The following RORB variants were observed in gnomAD, a reference collection of about 807,000 sequenced individuals.
The protein encoded by RORB is RAR related orphan receptor B.
Under a neutral mutation model 59.1 loss-of-function variants are expected in RORB, and 6 were observed. The ratio of observed to expected loss-of-function variants is 0.10; its 90% confidence interval spans 0.06 to 0.20. The LOEUF is 0.20. Ranked by LOEUF, RORB falls within the 10% of genes least tolerant of loss-of-function variation. RORB has a pLI of 1.00. For missense variants in RORB, 320 were observed against 560.5 expected, an observed-to-expected ratio of 0.57 and a Z score of 4.33; for synonymous variants, 215 against 204.5, an observed-to-expected ratio of 1.05 and a Z score of -0.44.
chr9:74,599,859 T>C (rs1051332369), intron 1 of RORB, among the ~76,000 whole-genome samples: 1 of 152,172 alleles, frequency 6.6e-6, no homozygotes, highest in African/African-American at 2.4e-5. Flanking sequence ...GGACGAACTT[T>C]AAACATTTCA....
At chr9:74,554,048 T>C (rs886380185) in intron 1 of RORB, among the ~76,000 whole-genome samples, 1 of 152,206 alleles carries the variant, frequency 6.6e-6, no homozygotes, top group Non-Finnish European at 1.5e-5. Flanking sequence ...CCCCACCTGC[T>C]GAATCAGACC....
chr9:74,509,403 T>A (rs1347974853), intron 1 of RORB, among the ~76,000 whole-genome samples: 1 of 152,006 alleles, frequency 6.6e-6, no homozygotes, highest in Admixed American at 6.6e-5. Flanking sequence ...TTTGAAAAAA[T>A]TGCATATTTA....
intron 1 of RORB, among the ~76,000 whole-genome samples, chr9:74,604,568 C>T (rs1823121202): frequency 6.6e-6 from 1 of 152,156 alleles, no homozygotes; most frequent in South Asian, 2.1e-4. Context: ...CGTTGGGATA[C>T]AGCTCTTAAT....
chr9:74,560,776 T>C (rs1258964840), intron 1 of RORB, among the ~76,000 whole-genome samples: 1 of 152,138 alleles, frequency 6.6e-6, no homozygotes, highest in East Asian at 1.9e-4. Context: ...TGTAGTTTCA[T>C]AATTACTTGC....
In RORB at chr9:74,689,949, T is replaced by C. The variant is rs1824712211; in HGVS notation, c.*4331T>C. The C allele has an allele frequency of 1.3e-5, 2 of 151,122 alleles. No homozygotes were observed. The highest frequency in any genetic ancestry group is 4.1e-4 in the South Asian group (2 of 4,826). The allele number at this position is 151,122 out of a possible 1,614,324, so 9.4% of individuals were successfully genotyped here. A position where few individuals can be genotyped will look rare whatever the true frequency, so the allele number is the denominator to read the frequency against. On this transcript the variant is annotated 3_prime_UTR_variant, in exon 10 of 10. Coordinates refer to ENST00000376896, the MANE Select transcript of RORB (RefSeq NM_006914.4). ...GAAATTAGAAGAAATAATTTCTTCC[T>C]GACTCTTTTTTTTTCTATAAACTTT...
intron 1 of RORB, among the ~76,000 whole-genome samples, chr9:74,500,975 T>C (rs563686400): frequency 6.6e-5 from 10 of 152,284 alleles, no homozygotes; most frequent in African/African-American, 2.4e-4. Context: ...AAGGAATAAC[T>C]TCTGAAGGCG....
At chr9:74,585,868 C>T (rs1370757881) in intron 1 of RORB, among the ~76,000 whole-genome samples, 2 of 151,620 alleles carry the variant, frequency 1.3e-5, no homozygotes, top group African/African-American at 4.8e-5. Context: ...GATCTCGGCT[C>T]ACTGCAAGCT....
At chr9:74,560,417 C>T (rs1332441712) in intron 1 of RORB, among the ~76,000 whole-genome samples, 1 of 152,146 alleles carries the variant, frequency 6.6e-6, no homozygotes, top group Middle Eastern at 3.2e-3. Context: ...TTAAAGAGCG[C>T]TGTATCTCCA....
intron 1 of RORB, among the ~76,000 whole-genome samples, chr9:74,563,157 C>T (rs993063139): frequency 4.6e-4 from 69 of 151,480 alleles, no homozygotes; most frequent in African/African-American, 1.5e-3. Flanking sequence ...GGATCATGCA[C>T]GCCTTCAGTT....
In RORB at chr9:74,677,608, G is replaced by A. The variant is rs551976604; in HGVS notation, c.1224+5707G>A. ...GATCTAGAATCTCTGAGGTTCAGAC[G>A]AGAGGGAGATTCACCTCCCCTGCCT... On this transcript the variant is annotated intron_variant, in intron 9 of 9. Transcript: ENST00000376896. 1.4e-3 allele frequency among the ~76,000 whole-genome samples: 211 copies of A among 152,194 alleles called. 1 individual carries two copies. Among genetic ancestry groups the A allele is most frequent in the Middle Eastern group, 3.4e-3 (1 of 294 alleles).
At chr9:74,635,981 G>C (rs1443132060) in intron 3 of RORB, among the ~76,000 whole-genome samples, 1 of 143,628 alleles carries the variant, frequency 7.0e-6, no homozygotes, top group Non-Finnish European at 1.5e-5. Context: ...AACAGAATCT[G>C]ACCTGAAACC....
At chr9:74,545,171 G>A (rs1826468441) in intron 1 of RORB, among the ~76,000 whole-genome samples, 2 of 151,042 alleles carry the variant, frequency 1.3e-5, no homozygotes. Flanking sequence ...TAGCTATCTA[G>A]TTAACTAGTG....
intron 4 of RORB, among the ~76,000 whole-genome samples, chr9:74,651,731 G>T (rs1823996597): frequency 6.6e-6 from 1 of 152,116 alleles, no homozygotes; most frequent in African/African-American, 2.4e-5. Flanking sequence ...GACCATGTTG[G>T]CTTCCTTGGT....
intron 3 of RORB, among the ~76,000 whole-genome samples, chr9:74,636,346 C>T (rs527852240): frequency 8.5e-5 from 13 of 152,272 alleles, no homozygotes; most frequent in African/African-American, 3.1e-4. Flanking sequence ...TTTGTTACTT[C>T]TTCCTACAAT....
At chr9:74,597,950 C>T (rs1298298814) in intron 1 of RORB, among the ~76,000 whole-genome samples, 2 of 150,676 alleles carry the variant, frequency 1.3e-5, no homozygotes, top group South Asian at 4.2e-4. Flanking sequence ...AACAGTGAAA[C>T]TCTGTCTCAA....
intron 1 of RORB, among the ~76,000 whole-genome samples, chr9:74,592,565 A>T (rs910229163): frequency 1.3e-5 from 2 of 152,306 alleles, no homozygotes; most frequent in South Asian, 4.2e-4. Context: ...CTACCTGTAC[A>T]TGATCTGAAG....
Position 74,671,827 on chromosome 9 carries a change from C to T in RORB, c.1150C>T (p.Leu384Phe), listed in dbSNP as rs201169134. The change falls in exon 9 of 10, where the codon CTT becomes TTT. Residue 384 changes from leucine (L) to phenylalanine (F), a missense_variant. Transcript: ENST00000376896. ...WLIEPRKVQKLQEKIYFALQH... is the reference protein window; with the variant it reads ...WLIEPRKVQKFQEKIYFALQH... ...TATAGAACCAAGGAAAGTCCAGAAG[C>T]TTCAGGAAAAAATTTATTTTGCACT... 28 of 1,612,918 alleles carry T rather than the reference C, an allele frequency of 1.7e-5. No individual in the cohort carries two copies. The highest frequency in any genetic ancestry group is 2.0e-5 in the Non-Finnish European group (24 of 1,179,366).
chr9:74,560,743 G>A (rs919932867), intron 1 of RORB, among the ~76,000 whole-genome samples: 9 of 151,738 alleles, frequency 5.9e-5, no homozygotes, highest in African/African-American at 2.2e-4. Context: ...TTGATAAATG[G>A]TACGTGATTA....
Position 74,675,590 on chromosome 9 carries a change from G to T in RORB, c.1224+3689G>T, listed in dbSNP as rs374384913. On this transcript the variant is annotated intron_variant, in intron 9 of 9. Transcript: ENST00000376896. ...TGGATATTTTACTGTTATAAAAAGT[G>T]AAGAAAAAGACTGATTTTGCCAAGT... Among the ~76,000 whole-genome samples the T allele has an allele frequency of 1.3e-4, 20 of 152,302 alleles. No homozygotes were observed. The East Asian group carries it at 3.9e-3, about 29-fold the overall frequency.
Sources: gnomAD v4.1 joint callset for allele counts (sites outside exome capture counted in the v4.1 genomes callset) on GRCh38, gnomAD v4.1.1 for gene constraint, MANE v1.5 for transcripts, NCBI Gene and HGNC (gene_info 2026-07-23, HGNC 2026-07-21) for gene names.